CADPS: variants seen among roughly 807,000 people sequenced by gnomAD.
CADPS encodes the protein calcium dependent secretion activator, also known as calcium-dependent secretion activator 1.
Under a neutral mutation model 167.3 loss-of-function variants are expected in CADPS, and 57 were observed. The observed-to-expected ratio is 0.34, with a 90% CI of 0.28 to 0.42. The LOEUF (loss-of-function observed/expected upper bound fraction) is 0.42, where lower values mean the gene tolerates loss of function less well. CADPS is among the 20% of genes least tolerant of loss of function. The pLI is 1.00. For missense variants in CADPS, 1,414 were observed against 1,738.1 expected, an observed-to-expected ratio of 0.81 and a Z score of 3.32; for synonymous variants, 676 against 635.3, an observed-to-expected ratio of 1.06 and a Z score of -0.96.
intron 1 of CADPS, among the ~76,000 whole-genome samples, chr3:62,785,400 A>C (rs769372553): frequency 1.9e-4 from 29 of 152,182 alleles, no homozygotes; most frequent in Non-Finnish European, 3.2e-4. Flanking sequence ...AAACATTTTG[A>C]AAAGCTGCTT....
chr3:62,547,972 G>A (rs2076767722), intron 11 of CADPS, among the ~76,000 whole-genome samples: 2 of 152,256 alleles, frequency 1.3e-5, no homozygotes, highest in East Asian at 3.9e-4. Flanking sequence ...TGATAGAACA[G>A]AGACACTGAA....
chr3:62,785,929 A>C (rs78138042), intron 1 of CADPS, among the ~76,000 whole-genome samples: 1 of 147,000 alleles, frequency 6.8e-6, no homozygotes, highest in Non-Finnish European at 1.5e-5. Flanking sequence ...AAAAAAAAAA[A>C]GGGCCAGGAA....
At chr3:62,653,146 C>G (rs1446712470) in intron 4 of CADPS, among the ~76,000 whole-genome samples, 1 of 152,178 alleles carries the variant, frequency 6.6e-6, no homozygotes, top group Non-Finnish European at 1.5e-5. Context: ...TTCTTGGTAG[C>G]ATTTATTGAA....
At chr3:62,791,005 A>AAT (rs1276957988) in intron 1 of CADPS, among the ~76,000 whole-genome samples, 1 of 151,746 alleles carries the variant, frequency 6.6e-6, no homozygotes, top group African/African-American at 2.4e-5. Context: ...TAAGTAAAAA[A>AAT]AAAAATACGT....
chr3:62,844,792 G>A (rs1193532590), intron 1 of CADPS, among the ~76,000 whole-genome samples: 1 of 152,134 alleles, frequency 6.6e-6, no homozygotes, highest in Non-Finnish European at 1.5e-5. Context: ...GAGACAAAGT[G>A]ACAGGCCCAT....
At chr3:62,681,453 C>A (rs887909010) in intron 3 of CADPS, among the ~76,000 whole-genome samples, 2 of 151,340 alleles carry the variant, frequency 1.3e-5, no homozygotes, top group Non-Finnish European at 3.0e-5. Flanking sequence ...TTTCAATAAA[C>A]AGTATTAGTG....
At chr3:62,513,452 A>T (rs1201833994) in intron 16 of CADPS, among the ~76,000 whole-genome samples, 1 of 151,980 alleles carries the variant, frequency 6.6e-6, no homozygotes, top group Admixed American at 6.6e-5. Context: ...TAATTGTCTA[A>T]CCTGTTTTAG....
intron 24 of CADPS, 23 bp from the exon 25 acceptor site, chr3:62,466,436 AT>A: frequency 6.6e-7 from 1 of 1,515,084 alleles, no homozygotes; most frequent in Non-Finnish European, 9.2e-7. Context: ...AAAGACAAAT[AT>A]TAGCATGTTT....
chr3:62,810,190 A>C (rs889215389), intron 1 of CADPS, among the ~76,000 whole-genome samples: 1 of 152,168 alleles, frequency 6.6e-6, no homozygotes, highest in Non-Finnish European at 1.5e-5. Context: ...AGTCCTCAAA[A>C]GCATGGTTTT....
chr3:62,830,030 G>C (rs940501763), intron 1 of CADPS, among the ~76,000 whole-genome samples: 1 of 152,064 alleles, frequency 6.6e-6, no homozygotes, highest in Non-Finnish European at 1.5e-5. Flanking sequence ...TAGTTAGGTG[G>C]GTGGCTCAGT....
chr3:62,590,611 T>C (rs1440861152), intron 7 of CADPS, among the ~76,000 whole-genome samples: 1 of 152,056 alleles, frequency 6.6e-6, no homozygotes, highest in Non-Finnish European at 1.5e-5. Context: ...GTTGATTCTA[T>C]AGATGAAAGC....
intron 6 of CADPS, among the ~76,000 whole-genome samples, chr3:62,624,360 A>T (rs1048467598): frequency 6.6e-6 from 1 of 152,102 alleles, no homozygotes; most frequent in African/African-American, 2.4e-5. Context: ...AACCCTTCCC[A>T]GTTCCAGCTG....
At chr3:62,810,390 A>ATAT (rs2094337852) in intron 1 of CADPS, among the ~76,000 whole-genome samples, 1 of 152,122 alleles carries the variant, frequency 6.6e-6, no homozygotes, top group Admixed American at 6.6e-5. Flanking sequence ...TAGTGGTCAT[A>ATAT]TATTATTATT....
chr3:62,546,894 AC>A (rs913317080), intron 11 of CADPS, among the ~76,000 whole-genome samples: 4 of 152,168 alleles, frequency 2.6e-5, no homozygotes, highest in African/African-American at 9.6e-5. Flanking sequence ...TCCCATGGAT[AC>A]TGAGGGAAGA....
intron 3 of CADPS, among the ~76,000 whole-genome samples, chr3:62,712,028 T>C (rs6774393): frequency 0.17 from 25,779 of 152,142 alleles, 2,803 homozygotes; most frequent in African/African-American, 0.32. Flanking sequence ...TTGACATCTT[T>C]CTATTTCAGG....
intron 6 of CADPS, among the ~76,000 whole-genome samples, chr3:62,629,691 C>T (rs2064880603): frequency 2.0e-5 from 3 of 152,164 alleles, no homozygotes; most frequent in Non-Finnish European, 2.9e-5. Flanking sequence ...TCCTACAAGG[C>T]CTCCATGATG....
intron 1 of CADPS, among the ~76,000 whole-genome samples, chr3:62,824,797 G>A (rs2073733001): frequency 6.6e-6 from 1 of 152,098 alleles, no homozygotes; most frequent in South Asian, 2.1e-4. Flanking sequence ...ATTTTAATTT[G>A]CCTCTCTAAT....
chr3:62,856,704 A>G (rs2153147698), intron 1 of CADPS, among the ~76,000 whole-genome samples: 1 of 152,108 alleles, frequency 6.6e-6, no homozygotes, highest in Non-Finnish European at 1.5e-5. Context: ...TATTAATACA[A>G]TAAAAATTTA....
intron 1 of CADPS, among the ~76,000 whole-genome samples, chr3:62,829,953 G>C (rs2074773052): frequency 6.6e-6 from 1 of 152,088 alleles, no homozygotes; most frequent in Non-Finnish European, 1.5e-5. Context: ...ATAAACAGGG[G>C]CATCTCTTCT....
Sources: gnomAD v4.1 joint callset for allele counts (sites outside exome capture counted in the v4.1 genomes callset) on GRCh38, gnomAD v4.1.1 for gene constraint, MANE v1.5 for transcripts, NCBI Gene and HGNC (gene_info 2026-07-23, HGNC 2026-07-21) for gene names.